Variants in SLC39A10 observed in about 807,000 individuals in gnomAD.
SLC39A10 encodes the protein solute carrier family 39 member 10.
Under a neutral mutation model 65.1 loss-of-function variants are expected in SLC39A10, and 13 were observed. That is an observed-to-expected ratio of 0.20 (90% CI 0.13 to 0.32). SLC39A10 has a LOEUF of 0.32. Among genes scored for constraint, SLC39A10 ranks in the 10% least tolerant of loss-of-function variants. The probability of loss-of-function intolerance (pLI) is 1.00; values close to 1 mark genes in which losing one functional copy is unlikely to be tolerated. For synonymous variants in SLC39A10, 321 were observed against 342.2 expected (o/e 0.94, Z 0.68); for missense variants, 831 against 1,018.4 (o/e 0.82, Z 2.50).
chr2:195,701,908 C>G (rs116639292), intron 3 of SLC39A10, among the ~76,000 whole-genome samples: 404 of 152,190 alleles, frequency 2.7e-3, no homozygotes, highest in African/African-American at 8.9e-3. Flanking sequence ...TCTCAAACGC[C>G]TGGGCTCAGG....
Position 195,680,419 on chromosome 2 carries a change from A to G in SLC39A10, c.377A>G (p.His126Arg), listed in dbSNP as rs1225115464. Residue 126 changes from histidine (H) to arginine (R), a missense_variant, in exon 2 of 10, where the codon CAT (histidine) becomes CGT (arginine). Physicochemically the swap from His to Arg is conservative, Grantham distance 29 (BLOSUM62 0). This residue lies in a region of SLC39A10 where 446 missense variants were observed against 499.2 expected (regional missense o/e 0.89). Coordinates refer to ENST00000359634, the MANE Select transcript of SLC39A10 (RefSeq NM_020342.3). ...AVQEGKHFHSHNHQHSHNHLN... is the reference protein window; with the variant it reads ...AVQEGKHFHSRNHQHSHNHLN... ...CAAGAGGGAAAGCATTTTCACTCAC[A>G]TAACCACCAGCATTCCCATAATCAT... 12 of 1,614,174 alleles carry G rather than the reference A, an allele frequency of 7.4e-6. No homozygotes were observed. The highest frequency in any genetic ancestry group is 9.3e-6 in the Non-Finnish European group (11 of 1,180,026).
At chr2:195,627,628 A>G (rs1688501339) in intron 2 of SLC39A10, among the ~76,000 whole-genome samples, 2 of 152,190 alleles carry the variant, frequency 1.3e-5, no homozygotes, top group Admixed American at 1.3e-4. Context: ...CATGCCATAT[A>G]TGTTTCTTAA....
At chr2:195,712,313 C>G (rs1214729006) in intron 5 of SLC39A10, among the ~76,000 whole-genome samples, 1 of 152,236 alleles carries the variant, frequency 6.6e-6, no homozygotes, top group African/African-American at 2.4e-5. Context: ...TTGATCAAAA[C>G]AAGTCAAAAG....
intron 2 of SLC39A10, among the ~76,000 whole-genome samples, chr2:195,624,432 G>C (rs1574197362): frequency 1.5e-5 from 2 of 137,038 alleles, no homozygotes. Flanking sequence ...CTAAAAACAA[G>C]ACAAAAAAAT....
chr2:195,652,242 T>C (rs72929782), upstream of SLC39A10, among the ~76,000 whole-genome samples: 46,986 of 151,880 alleles, frequency 0.31, 7,698 homozygotes, highest in East Asian at 0.59. Context: ...TGGGGATAAG[T>C]AGTCAGAAAA....
chr2:195,625,807 A>G (rs1688461720), intron 2 of SLC39A10, among the ~76,000 whole-genome samples: 1 of 152,166 alleles, frequency 6.6e-6, no homozygotes, highest in African/African-American at 2.4e-5. Flanking sequence ...TGATACACTT[A>G]ACCACATTTT....
chr2:195,667,856 A>T (rs879885399), intron 1 of SLC39A10, among the ~76,000 whole-genome samples: 9 of 152,244 alleles, frequency 5.9e-5, no homozygotes, highest in Non-Finnish European at 1.2e-4. Flanking sequence ...TATTATTAAT[A>T]GCTTGCACTT....
intron 2 of SLC39A10, among the ~76,000 whole-genome samples, chr2:195,646,935 C>T (rs192564558): frequency 8.8e-4 from 134 of 152,202 alleles, no homozygotes; most frequent in African/African-American, 3.1e-3. Flanking sequence ...TGGTCCCTGG[C>T]GCCAAAAAGG....
chr2:195,633,162 C>T (rs1329568193), intron 2 of SLC39A10, among the ~76,000 whole-genome samples: 2 of 152,220 alleles, frequency 1.3e-5, no homozygotes, highest in African/African-American at 4.8e-5. Context: ...CACAGTGAAA[C>T]AGGAAATTTT....
chr2:195,702,833 T>C (rs536461963), intron 3 of SLC39A10, among the ~76,000 whole-genome samples: 1 of 152,346 alleles, frequency 6.6e-6, no homozygotes, highest in South Asian at 2.1e-4. Flanking sequence ...TTGTGTTAGG[T>C]CAACCAGCTG....
chr2:195,698,826 G>A (rs1244526508), intron 3 of SLC39A10, among the ~76,000 whole-genome samples: 1 of 151,890 alleles, frequency 6.6e-6, no homozygotes, highest in Non-Finnish European at 1.5e-5. Flanking sequence ...TGGCCTCATA[G>A]AATGAGTTAG....
At chr2:195,703,215 G>A (rs1009848870) in intron 3 of SLC39A10, among the ~76,000 whole-genome samples, 1 of 152,120 alleles carries the variant, frequency 6.6e-6, no homozygotes, top group Non-Finnish European at 1.5e-5. Flanking sequence ...AGTATAATAT[G>A]ACAATAGCTA....
chr2:195,662,227 T>G (rs900528047), intron 1 of SLC39A10, among the ~76,000 whole-genome samples: 2 of 152,124 alleles, frequency 1.3e-5, no homozygotes, highest in Admixed American at 6.6e-5. Flanking sequence ...TCAGTCACTT[T>G]TAGTGTAGTA....
chr2:195,654,061 TCC>T (rs1350872512), upstream of SLC39A10, among the ~76,000 whole-genome samples: 1 of 152,080 alleles, frequency 6.6e-6, no homozygotes, highest in African/African-American at 2.4e-5. Context: ...GCCTCAGCCT[TCC>T]CAAGTAGCTG....
At chr2:195,725,554 C>A (rs1345553288) in intron 8 of SLC39A10, among the ~76,000 whole-genome samples, 1 of 152,088 alleles carries the variant, frequency 6.6e-6, no homozygotes, top group African/African-American at 2.4e-5. Context: ...GATGCAATTT[C>A]TTATAAAATT....
At chr2:195,613,451 G>A (rs1330506785) in intron 2 of SLC39A10, among the ~76,000 whole-genome samples, 1 of 152,118 alleles carries the variant, frequency 6.6e-6, no homozygotes, top group African/African-American at 2.4e-5. Context: ...ACAAAGGAAT[G>A]GTACAGCTGT....
chr2:195,694,488 A>G (rs1450894248), intron 3 of SLC39A10, among the ~76,000 whole-genome samples: 2 of 151,978 alleles, frequency 1.3e-5, no homozygotes, highest in Non-Finnish European at 2.9e-5. Flanking sequence ...TCCTTAGGGG[A>G]GACCTGAGCT....
chr2:195,650,279 CTCCA>C (rs1689004499), intron 2 of SLC39A10, among the ~76,000 whole-genome samples: 1 of 140,872 alleles, frequency 7.1e-6, no homozygotes, highest in South Asian at 2.2e-4. Context: ...TGGACTCCTC[CTCCA>C]AAAAAAAAAA....
chr2:195,720,293 A>G (rs989708876), intron 8 of SLC39A10, among the ~76,000 whole-genome samples: 1 of 152,112 alleles, frequency 6.6e-6, no homozygotes, highest in African/African-American at 2.4e-5. Flanking sequence ...GTTGGTATTT[A>G]TTGGTTTACC....
Sources: allele counts gnomAD v4.1 joint callset (sites outside exome capture counted in the v4.1 genomes callset), GRCh38; gene constraint gnomAD v4.1.1; regional missense constraint gnomAD v4.1.1; transcripts MANE v1.5; gene names NCBI Gene and HGNC (gene_info 2026-07-23, HGNC 2026-07-21).